Variants in NR1H3 observed in about 807,000 individuals in gnomAD.
NR1H3 encodes nuclear receptor subfamily 1 group H member 3.
Under a neutral mutation model 48.1 loss-of-function variants are expected in NR1H3, and 19 were observed. The observed-to-expected ratio is 0.40, with a 90% CI of 0.28 to 0.58. The LOEUF (loss-of-function observed/expected upper bound fraction) is 0.58, where lower values mean the gene tolerates loss of function less well. NR1H3 is among the 20% of genes least tolerant of loss of function. NR1H3 has a pLI of 0.50. For synonymous variants in NR1H3, 232 were observed against 227.3 expected (o/e 1.02, Z -0.19); for missense variants, 486 against 595.9 (o/e 0.82, Z 1.92).
Position 47,268,362 on chromosome 11 carries a change from C to CT in NR1H3, c.1197+8dup. On this transcript the variant is annotated splice_region_variant and intron_variant, in intron 9 of 9. Transcript: ENST00000441012. ...CTCCATCCACCATCCCCATGTGAGT[C>CT]TCCCCATGGTGTTCCTTTTCCTCCT... 6.2e-7 allele frequency: 1 copy of CT among 1,611,620 alleles called. No homozygotes were observed.
upstream of NR1H3, chr11:47,257,912 C>G: frequency 3.0e-6 from 3 of 985,322 alleles, no homozygotes; most frequent in Non-Finnish European, 3.6e-6. Context: ...CTGTGGTCAC[C>G]AGGCAGGAAG....
upstream of NR1H3, chr11:47,248,662 C>T (rs558248120): frequency 1.2e-6 from 2 of 1,605,264 alleles, no homozygotes; most frequent in African/African-American, 1.3e-5. Context: ...TTTGGTGAGC[C>T]CATCTCTCAT....
rs577506955 is a variant in NR1H3, at chr11:47,266,839, C to T, written c.989-1074C>T. Among the ~76,000 whole-genome samples the T allele has an allele frequency of 3.8e-4, 58 of 151,868 alleles. 1 individual carries two copies. The South Asian group carries it at 0.012, about 31-fold the overall frequency. On this transcript the variant is annotated intron_variant, in intron 7 of 9. Coordinates refer to ENST00000441012, the MANE Select transcript of NR1H3 (RefSeq NM_005693.4). ...GTATTTTCAGTGAGACAGGGTTTTG[C>T]CATGTCGGCCAGGCTGGTCTCAAAC...
rs781517898 is a variant in NR1H3 at position 47,268,506 on chromosome 11, C to CTG, written c.1198-43_1198-42dup. ...ACTCCCCTACTCTTGCCCCGCTTCC[C>CTG]TGGGGACAGGCAAAAGCTGTGTTTG... On this transcript the variant is annotated intron_variant, in intron 9 of 9. Transcript: ENST00000441012. 6.8e-6 allele frequency: 11 copies of CTG among 1,613,252 alleles called. No individual in the cohort carries two copies. The East Asian group carries it at 2.5e-4, about 36-fold the overall frequency.
At chr11:47,251,655 T>G (rs1954667875) in intron 1 of NR1H3, among the ~76,000 whole-genome samples, 1 of 151,814 alleles carries the variant, frequency 6.6e-6, no homozygotes, top group Non-Finnish European at 1.5e-5. Flanking sequence ...ATTGGCAAAA[T>G]GCTGCATATT....
chr11:47,259,937 A>T lies in NR1H3; in HGVS notation c.190A>T (p.Thr64Ser). 2 of 1,595,800 alleles carry T rather than the reference A, an allele frequency of 1.3e-6. No homozygotes were observed. Among genetic ancestry groups the T allele is most frequent in the Non-Finnish European group, 1.7e-6 (2 of 1,171,322 alleles). Residue 64 changes from threonine (T) to serine (S), a missense_variant, in exon 3 of 10, where the codon ACA (threonine) becomes TCA (serine). By Grantham distance (58) the Thr-to-Ser change is moderately conservative. Transcript: ENST00000441012. ...AGVGLEAAEP[T>S]ALLTRAEPPS... ...GGTGGGGCTGGAGGCTGCAGAGCCC[A>T]CAGCCCTGCTCACCAGGGCAGAGCC...
upstream of NR1H3, among the ~76,000 whole-genome samples, chr11:47,255,471 G>A (rs1372076094): frequency 6.6e-6 from 1 of 152,226 alleles, no homozygotes; most frequent in Non-Finnish European, 1.5e-5. Context: ...CTGGGAGGGT[G>A]ATGATAACTC....
Position 47,268,792 on chromosome 11 carries a change from C to T in NR1H3, c.*96C>T. 3 of 1,461,162 alleles carry T rather than the reference C, an allele frequency of 2.1e-6. No homozygotes were observed. The highest frequency in any genetic ancestry group is 1.8e-4 in the Middle Eastern group (1 of 5,492). 90.5% of individuals were successfully genotyped at this position (1,461,162 alleles called of 1,614,324 possible). On this transcript the variant is annotated 3_prime_UTR_variant, in exon 10 of 10. Transcript: ENST00000441012. Reference sequence around the variant, plus strand: ...GAACAGACTGAGAAGGGCAAACATTCCTGGGAGCTGGGCAAGGAGATCCTC... The same window carrying T: ...GAACAGACTGAGAAGGGCAAACATTTCTGGGAGCTGGGCAAGGAGATCCTC...
At chr11:47,264,448 G>C (rs906912398) in intron 7 of NR1H3, among the ~76,000 whole-genome samples, 1 of 152,290 alleles carries the variant, frequency 6.6e-6, no homozygotes, top group African/African-American at 2.4e-5. Context: ...TATAGTAACC[G>C]GTGTGCTGCC....
Position 47,261,342 on chromosome 11 carries a change from C to G in NR1H3, c.601C>G (p.Gln201Glu), listed in dbSNP as rs778050783. The G allele has an allele frequency of 1.9e-6, 3 of 1,614,148 alleles. No homozygotes were observed. The highest frequency in any genetic ancestry group is 2.2e-5 in the South Asian group (2 of 91,078). The change falls in exon 5 of 10, where the codon CAA becomes GAA. Residue 201 changes from glutamine (Q) to glutamate (E), a missense_variant. Coordinates refer to ENST00000441012, the MANE Select transcript of NR1H3 (RefSeq NM_005693.4). ...SLPPRASSPP[Q>E]ILPQLSPEQL... ...GCCCCCCAGGGCTTCCTCACCCCCC[C>G]AAATCCTGCCCCAGCTCAGCCCGGA...
intron 7 of NR1H3, among the ~76,000 whole-genome samples, chr11:47,263,614 T>C (rs1956156546): frequency 6.7e-6 from 1 of 149,492 alleles, no homozygotes; most frequent in Admixed American, 6.7e-5. Context: ...TTCTTTTTTT[T>C]TTTTTTTGAG....
upstream of NR1H3, among the ~76,000 whole-genome samples, chr11:47,255,615 C>T (rs2922977): frequency 1.7e-3 from 154 of 93,074 alleles, 2 homozygotes; most frequent in African/African-American, 4.0e-3. Context: ...CTCTCTCTCT[C>T]TCTTTCTTTC....
chr11:47,257,022 G>A (rs1439132542), upstream of NR1H3, among the ~76,000 whole-genome samples: 3 of 152,118 alleles, frequency 2.0e-5, no homozygotes. Context: ...GAGCCACCGC[G>A]CCCGGCCGAG....
chr11:47,264,669 T>TATTGA (rs1565199682), intron 7 of NR1H3, among the ~76,000 whole-genome samples: 1 of 152,250 alleles, frequency 6.6e-6, no homozygotes, highest in African/African-American at 2.4e-5. Flanking sequence ...AGACTCATGC[T>TATTGA]ATCTGAATCT....
chr11:47,258,007 G>A lies in NR1H3; in HGVS notation c.-160G>A. ...CTCTGGGGCTCCAGGTCCTGCTTGT[G>A]CTCAGCTCCAGCTCACTGGCTGGCC... is the stretch of plus-strand genomic sequence containing the variant. On this transcript the variant is annotated 5_prime_UTR_variant, in exon 1 of 10. Coordinates refer to ENST00000441012, the MANE Select transcript of NR1H3 (RefSeq NM_005693.4). The A allele has an allele frequency of 1.0e-6, 1 of 985,802 alleles. No homozygotes were observed. Among genetic ancestry groups the A allele is most frequent in the Non-Finnish European group, 1.2e-6 (1 of 830,370 alleles). 61.1% of individuals were successfully genotyped at this position (985,802 alleles called of 1,614,324 possible).
chr11:47,255,613 CTCTCTTTCTTTCTT>C (rs1217263673), upstream of NR1H3, among the ~76,000 whole-genome samples: 883 of 111,276 alleles, frequency 7.9e-3, 10 homozygotes, highest in African/African-American at 0.033. Flanking sequence ...CTCTCTCTCT[CTCTCTTTCTTTCTT>C]TCTTTCTTTC....
In NR1H3 at chr11:47,260,469, G is replaced by A; in HGVS notation, c.293G>A (p.Cys98Tyr). Residue 98 changes from cysteine to tyrosine, a missense_variant, in exon 4 of 10, where the codon TGC (cysteine) becomes TAC (tyrosine). By Grantham distance (194) the Cys-to-Tyr change is radical. Coordinates refer to ENST00000441012, the MANE Select transcript of NR1H3 (RefSeq NM_005693.4). ...PAPKMLGNEL[C>Y]SVCGDKASGF... ...CCCAAAATGCTGGGGAACGAGCTAT[G>A]CAGCGTGTGTGGGGACAAGGCCTCG... is the stretch of plus-strand genomic sequence containing the variant. 1 of 1,614,256 alleles carries A rather than the reference G, an allele frequency of 6.2e-7. No individual in the cohort carries two copies. Among genetic ancestry groups the A allele is most frequent in the Non-Finnish European group, 8.5e-7 (1 of 1,180,050 alleles).
At chr11:47,249,114 T>G in intron 1 of NR1H3, 1 of 1,010,926 alleles carries the variant, frequency 9.9e-7, no homozygotes, top group Non-Finnish European at 1.4e-6. Flanking sequence ...GCACTTGCAG[T>G]GGGCGGGACC....
upstream of NR1H3, chr11:47,248,783 C>T (rs1954346934): frequency 3.8e-6 from 6 of 1,593,546 alleles, no homozygotes; most frequent in East Asian, 6.8e-5. Flanking sequence ...GACCGCTTGC[C>T]CGCCATCACC....
Sources: allele counts gnomAD v4.1 joint callset (sites outside exome capture counted in the v4.1 genomes callset), GRCh38; gene constraint gnomAD v4.1.1; transcripts MANE v1.5; gene names NCBI Gene and HGNC (gene_info 2026-07-23, HGNC 2026-07-21).